The following JMJD1C variants were observed in gnomAD, a reference collection of about 807,000 sequenced individuals.
JMJD1C encodes jumonji domain containing 1C.
JMJD1C carries 31 observed loss-of-function variants against 245.3 expected under a neutral mutation model. The ratio of observed to expected loss-of-function variants is 0.13; its 90% CI spans 0.09 to 0.17. The LOEUF is 0.17. Ranked by LOEUF, JMJD1C falls within the 10% of genes least tolerant of loss-of-function variation. JMJD1C has a pLI of 1.00. For synonymous variants in JMJD1C, 1,057 were observed against 1,017.4 expected, an observed-to-expected ratio of 1.04 and a Z score of -0.74; for missense variants, 2,691 against 3,000.2, an observed-to-expected ratio of 0.90 and a Z score of 2.41.
At chr10:63,168,409 C>T (rs368646956) in intron 25 of JMJD1C, 26 bp downstream of exon 25, 2 of 1,580,006 alleles carry the variant, frequency 1.3e-6, no homozygotes, top group African/African-American at 2.7e-5. Flanking sequence ...GCCTGAAGAA[C>T]AGGACCTAGA....
At chr10:63,238,302 G>A (rs1024464233) in intron 3 of JMJD1C, among the ~76,000 whole-genome samples, 1 of 151,178 alleles carries the variant, frequency 6.6e-6, no homozygotes, top group Non-Finnish European at 1.5e-5. Context: ...TACTCTTTAC[G>A]ATGCCTTTCA....
intron 2 of JMJD1C, among the ~76,000 whole-genome samples, chr10:63,273,751 C>T (rs1856543062): frequency 6.6e-6 from 1 of 152,118 alleles, no homozygotes; most frequent in Non-Finnish European, 1.5e-5. Flanking sequence ...ATACACATCT[C>T]TAACTTCCTT....
rs61537674 is a variant in JMJD1C at position 63,222,957 on chromosome 10, A to C, written c.448-2974T>G. On this transcript the variant is annotated intron_variant, in intron 3 of 25. Coordinates refer to ENST00000399262, the MANE Select transcript of JMJD1C (RefSeq NM_032776.3). ...CCCTGCCATATAATTCAAATATTGGAGATAATGTCAGCAGTGAGAGACGAG... is the reference window on the plus strand; with the variant it reads ...CCCTGCCATATAATTCAAATATTGGCGATAATGTCAGCAGTGAGAGACGAG... 2,766 of 1,476,528 alleles carry C rather than the reference A, an allele frequency of 1.9e-3. 31 individuals carry two copies. The African/African-American group carries it at 0.031, about 16-fold the overall frequency. The allele number at this position is 1,476,528 out of a possible 1,614,324, so 91.5% of individuals were successfully genotyped here.
chr10:63,281,813 G>A (rs1249546667), intron 2 of JMJD1C, among the ~76,000 whole-genome samples: 1 of 151,922 alleles, frequency 6.6e-6, no homozygotes, highest in Non-Finnish European at 1.5e-5. Context: ...AATTCTGTGG[G>A]AATAAGAAAT....
At chr10:63,313,201 T>C (rs1227074789) in intron 2 of JMJD1C, among the ~76,000 whole-genome samples, 1 of 152,222 alleles carries the variant, frequency 6.6e-6, no homozygotes, top group African/African-American at 2.4e-5. Context: ...ATACGATGTT[T>C]GGTTTTTCAT....
At chr10:63,272,606 C>T (rs1262086755) in intron 2 of JMJD1C, among the ~76,000 whole-genome samples, 9 of 152,058 alleles carry the variant, frequency 5.9e-5, no homozygotes, top group South Asian at 2.1e-4. Flanking sequence ...GATATTAAAT[C>T]GCATATAACC....
intron 2 of JMJD1C, among the ~76,000 whole-genome samples, chr10:63,305,587 C>A (rs1938047786): frequency 6.8e-6 from 1 of 146,532 alleles, no homozygotes; most frequent in East Asian, 2.0e-4. Flanking sequence ...CCTACATCAG[C>A]CCCCAAGTAG....
At chr10:63,482,159 A>T (rs1243695352) in intron 1 of JMJD1C, among the ~76,000 whole-genome samples, 1 of 152,128 alleles carries the variant, frequency 6.6e-6, no homozygotes, top group Non-Finnish European at 1.5e-5. Context: ...GACATTGATG[A>T]GGAAAAAAAA....
At chr10:63,388,948 G>C (rs1449985282) in intron 1 of JMJD1C, among the ~76,000 whole-genome samples, 2 of 152,156 alleles carry the variant, frequency 1.3e-5, no homozygotes, top group Non-Finnish European at 2.9e-5. Flanking sequence ...AAAAGAGATT[G>C]ATTCATCAAG....
intron 10 of JMJD1C, chr10:63,202,147 G>A (rs1386684800): frequency 4.4e-6 from 1 of 227,402 alleles, no homozygotes; most frequent in Non-Finnish European, 7.3e-6. Context: ...CCAGCTACTC[G>A]GGAGGCTGAG....
At chr10:63,356,565 T>C (rs991179146) in intron 2 of JMJD1C, among the ~76,000 whole-genome samples, 6 of 152,206 alleles carry the variant, frequency 3.9e-5, no homozygotes, top group Admixed American at 3.3e-4. Flanking sequence ...TGGACTGTTA[T>C]TTTTCATTGT....
chr10:63,396,642 A>G (rs1241036958), intron 1 of JMJD1C, among the ~76,000 whole-genome samples: 3 of 152,176 alleles, frequency 2.0e-5, no homozygotes, highest in Admixed American at 6.5e-5. Context: ...TGGGTCCCAG[A>G]AAAGTTTAGG....
intron 2 of JMJD1C, among the ~76,000 whole-genome samples, chr10:63,302,965 C>T (rs982198014): frequency 2.6e-5 from 4 of 152,170 alleles, no homozygotes; most frequent in African/African-American, 9.7e-5. Context: ...CTCACTGTAA[C>T]CTCGAACTCT....
chr10:63,422,481 T>C (rs1950180589), intron 1 of JMJD1C, among the ~76,000 whole-genome samples: 1 of 152,228 alleles, frequency 6.6e-6, no homozygotes, highest in Non-Finnish European at 1.5e-5. Context: ...ATTTTACCTT[T>C]TTCACACTTC....
chr10:63,273,521 T>C (rs1395188534), intron 2 of JMJD1C, among the ~76,000 whole-genome samples: 4 of 152,234 alleles, frequency 2.6e-5, no homozygotes, highest in Admixed American at 6.5e-5. Context: ...CTCCTGTTCT[T>C]ATAACTCATT....
intron 1 of JMJD1C, among the ~76,000 whole-genome samples, chr10:63,519,225 C>G (rs1243465750): frequency 6.6e-6 from 1 of 152,138 alleles, no homozygotes. Flanking sequence ...GCACAGCAGT[C>G]TAGGGACATT....
intron 2 of JMJD1C, among the ~76,000 whole-genome samples, chr10:63,285,504 C>A (rs1426605965): frequency 6.6e-6 from 1 of 152,180 alleles, no homozygotes; most frequent in East Asian, 1.9e-4. Flanking sequence ...TTGTCTCCTT[C>A]CTAGCCAGTT....
At chr10:63,456,226 C>T (rs1445569270) in intron 1 of JMJD1C, among the ~76,000 whole-genome samples, 6 of 151,962 alleles carry the variant, frequency 3.9e-5, no homozygotes, top group Non-Finnish European at 7.4e-5. Context: ...AATGTTCTAG[C>T]GAACAGTGGA....
In JMJD1C at chr10:63,221,549, G is replaced by C. The variant is rs986820659; in HGVS notation, c.448-1566C>G. Reference sequence around the variant, plus strand: ...GCAAAATCTGTCATTTTGGGAGAAAGAAATGGGCATTAACATGTCTTTCTT... The same window carrying C: ...GCAAAATCTGTCATTTTGGGAGAAACAAATGGGCATTAACATGTCTTTCTT... On this transcript the variant is annotated intron_variant, in intron 3 of 25. Transcript: ENST00000399262. 1.7e-4 allele frequency among the ~76,000 whole-genome samples: 26 copies of C among 152,164 alleles called. 1 individual carries two copies. Among genetic ancestry groups the C allele is most frequent in the Non-Finnish European group, 3.2e-4 (22 of 68,012 alleles).
Sources: gnomAD v4.1 joint callset for allele counts (sites outside exome capture counted in the v4.1 genomes callset) on GRCh38, gnomAD v4.1.1 for gene constraint, MANE v1.5 for transcripts, NCBI Gene and HGNC (gene_info 2026-07-23, HGNC 2026-07-21) for gene names.